Variants in SLC25A12 observed in about 807,000 individuals in gnomAD.
The protein encoded by SLC25A12 is electrogenic aspartate/glutamate antiporter SLC25A12, mitochondrial.
Under a neutral mutation model 83.3 loss-of-function variants are expected in SLC25A12, and 32 were observed. That is an observed-to-expected ratio of 0.38 (90% CI 0.29 to 0.52). SLC25A12 has a LOEUF of 0.52. SLC25A12 is among the 20% of genes least tolerant of loss of function. The probability of loss-of-function intolerance (pLI) is 0.84; values close to 1 mark genes in which losing one functional copy is unlikely to be tolerated. For missense variants in SLC25A12, 611 were observed against 835.6 expected, an observed-to-expected ratio of 0.73 and a Z score of 3.31; for synonymous variants, 267 against 291.1, an observed-to-expected ratio of 0.92 and a Z score of 0.84.
At chr2:171,845,267 A>G (rs1241354952) in intron 4 of SLC25A12, among the ~76,000 whole-genome samples, 1 of 152,188 alleles carries the variant, frequency 6.6e-6, no homozygotes, top group Non-Finnish European at 1.5e-5. Context: ...GTCTTCATGC[A>G]CTAACAACGT....
chr2:171,872,534 A>G (rs72887263), intron 2 of SLC25A12, among the ~76,000 whole-genome samples: 1,606 of 152,320 alleles, frequency 0.011, 9 homozygotes, highest in Non-Finnish European at 0.017. Context: ...AAGTCTAAAA[A>G]CAGAATGTAA....
chr2:171,811,402 T>C (rs1574689410), intron 11 of SLC25A12, among the ~76,000 whole-genome samples: 3 of 152,334 alleles, frequency 2.0e-5, no homozygotes, highest in African/African-American at 7.2e-5. Flanking sequence ...TCAGGCTCTA[T>C]TACTTTTAAT....
chr2:171,869,593 A>C (rs574951779), intron 2 of SLC25A12, among the ~76,000 whole-genome samples: 4 of 152,302 alleles, frequency 2.6e-5, no homozygotes, highest in African/African-American at 9.6e-5. Flanking sequence ...TGACATCAGT[A>C]ATTTTTTACA....
chr2:171,873,102 A>G (rs138460378), intron 2 of SLC25A12, among the ~76,000 whole-genome samples: 175 of 152,284 alleles, frequency 1.1e-3, no homozygotes, highest in Middle Eastern at 3.4e-3. Context: ...AAGGTGAGTG[A>G]AGGAGAGAAG....
At chr2:171,836,517 C>T (rs1336101463) in intron 6 of SLC25A12, among the ~76,000 whole-genome samples, 1 of 152,146 alleles carries the variant, frequency 6.6e-6, no homozygotes, top group Non-Finnish European at 1.5e-5. Context: ...ACTGAATGTA[C>T]AGGTGAAGGG....
At chr2:171,791,623 G>A (rs1384528027) in intron 14 of SLC25A12, 34 bp from the exon 15 acceptor site, 8 of 1,607,234 alleles carry the variant, frequency 5.0e-6, no homozygotes, top group Non-Finnish European at 6.0e-6. Context: ...GCAAAACAGT[G>A]TGAAACTGAG....
chr2:171,804,193 G>A (rs189250901), intron 13 of SLC25A12, among the ~76,000 whole-genome samples: 21 of 152,188 alleles, frequency 1.4e-4, no homozygotes, highest in Admixed American at 9.8e-4. Flanking sequence ...TTGAAAACAC[G>A]CTAAGTGAAA....
In SLC25A12 at chr2:171,809,638, G is replaced by GA; in HGVS notation, c.1272dup (p.Pro425SerfsTer58). The GA allele has an allele frequency of 6.2e-7, 1 of 1,614,018 alleles. No individual in the cohort carries two copies. Among genetic ancestry groups the GA allele is most frequent in the Non-Finnish European group, 8.5e-7 (1 of 1,179,926 alleles). ...CCAGCAAGAACTTCTGCTGGAAGTGGAACAGAGCCATCTCTTCTGGTAAAT... is the reference window on the plus strand; with the variant it reads ...CCAGCAAGAACTTCTGCTGGAAGTGGAAACAGAGCCATCTCTTCTGGTAAAT... On this transcript the variant is annotated frameshift_variant, in exon 13 of 18. Coordinates refer to ENST00000422440, the MANE Select transcript of SLC25A12 (RefSeq NM_003705.5). LOFTEE classifies it high-confidence loss of function.
intron 2 of SLC25A12, among the ~76,000 whole-genome samples, chr2:171,876,255 A>G (rs1022419198): frequency 2.6e-5 from 4 of 152,214 alleles, no homozygotes; most frequent in African/African-American, 7.2e-5. Flanking sequence ...TATAGCTTAG[A>G]GGAAAAAAGC....
intron 14 of SLC25A12, 127 bp downstream of exon 14, chr2:171,793,497 CTTT>C: frequency 1.1e-6 from 1 of 936,396 alleles, no homozygotes; most frequent in Non-Finnish European, 1.7e-6. Context: ...TGATTCTTTT[CTTT>C]TTGTTTGATT....
chr2:171,857,967 T>C (rs1006255046), intron 3 of SLC25A12, among the ~76,000 whole-genome samples: 4 of 152,134 alleles, frequency 2.6e-5, no homozygotes. Context: ...ATGTTGGGTT[T>C]CTAGAACTTA....
At chr2:171,877,811 C>T (rs1685606243) in intron 2 of SLC25A12, among the ~76,000 whole-genome samples, 1 of 151,856 alleles carries the variant, frequency 6.6e-6, no homozygotes, top group African/African-American at 2.4e-5. Context: ...AGCATAAAGC[C>T]CAAACACTCT....
chr2:171,866,201 GAAC>G, intron 3 of SLC25A12, among the ~76,000 whole-genome samples: 1 of 142,352 alleles, frequency 7.0e-6, no homozygotes, highest in Non-Finnish European at 1.5e-5. Context: ...TCTTAGTACA[GAAC>G]AAAATGAAAA....
intron 2 of SLC25A12, among the ~76,000 whole-genome samples, chr2:171,887,573 G>C (rs1386420534): frequency 1.3e-5 from 2 of 152,212 alleles, no homozygotes; most frequent in Non-Finnish European, 2.9e-5. Context: ...AAATTTGTCA[G>C]ACTTATGTTC....
intron 13 of SLC25A12, among the ~76,000 whole-genome samples, chr2:171,807,255 CT>C (rs1558913533): frequency 6.6e-6 from 1 of 152,146 alleles, no homozygotes; most frequent in Non-Finnish European, 1.5e-5. Context: ...ATTTTTCATG[CT>C]GTCAATTTCC....
chr2:171,801,455 A>G (rs533488478), intron 13 of SLC25A12, among the ~76,000 whole-genome samples: 1 of 152,312 alleles, frequency 6.6e-6, no homozygotes, highest in East Asian at 1.9e-4. Context: ...CCCACAATAG[A>G]TATCATAATC....
chr2:171,813,528 A>G, intron 10 of SLC25A12, 31 bp from the exon 11 acceptor site: 1 of 1,611,988 alleles, frequency 6.2e-7, no homozygotes, highest in Non-Finnish European at 8.5e-7. Flanking sequence ...AGGCTTAAAA[A>G]AGAACACAAT....
At chr2:171,845,500 G>A (rs554861113) in intron 4 of SLC25A12, among the ~76,000 whole-genome samples, 3 of 152,080 alleles carry the variant, frequency 2.0e-5, no homozygotes, top group East Asian at 1.9e-4. Flanking sequence ...TTTTGCCATC[G>A]ATAGCTATCA....
intron 14 of SLC25A12, among the ~76,000 whole-genome samples, chr2:171,792,148 A>AT (rs1683489955): frequency 6.6e-6 from 1 of 150,760 alleles, no homozygotes; most frequent in Non-Finnish European, 1.5e-5. Context: ...ATCATTACCC[A>AT]GGGGCAGCTT....
Sources: allele counts gnomAD v4.1 joint callset (sites outside exome capture counted in the v4.1 genomes callset), GRCh38; gene constraint gnomAD v4.1.1; transcripts MANE v1.5; gene names NCBI Gene and HGNC (gene_info 2026-07-23, HGNC 2026-07-21).